PPARGC1B: variants seen among roughly 807,000 people sequenced by gnomAD.
PPARGC1B encodes the protein peroxisome proliferator-activated receptor gamma coactivator 1-beta.
PPARGC1B carries 34 observed loss-of-function variants against 101.6 expected under a neutral mutation model. That is an observed-to-expected ratio of 0.33 (90% CI 0.25 to 0.45). The LOEUF (loss-of-function observed/expected upper bound fraction) is 0.45. Among genes scored for constraint, PPARGC1B ranks in the 20% least tolerant of loss-of-function variants. PPARGC1B has a pLI of 1.00. For missense variants in PPARGC1B, 1,234 were observed against 1,317.6 expected (o/e 0.94, Z 0.98); for synonymous variants, 548 against 539.3 (o/e 1.02, Z -0.22).
At chr5:149,767,359 G>T (rs1755950171) in intron 1 of PPARGC1B, among the ~76,000 whole-genome samples, 1 of 152,196 alleles carries the variant, frequency 6.6e-6, no homozygotes, top group Admixed American at 6.5e-5. Context: ...ATGAATGATT[G>T]TTTAGAAATG....
chr5:149,761,526 C>CA (rs1755718164), intron 1 of PPARGC1B: 1 of 152,172 alleles, frequency 6.6e-6, no homozygotes, highest in African/African-American at 2.4e-5. Context: ...TCTGCACTCT[C>CA]ACGTTCATTG....
At chr5:149,738,794 A>G (rs1238728118) in intron 1 of PPARGC1B, among the ~76,000 whole-genome samples, 1 of 152,082 alleles carries the variant, frequency 6.6e-6, no homozygotes, top group East Asian at 1.9e-4. Context: ...ATGGGGTTTC[A>G]CCATATTGGC....
At chr5:149,734,998 A>G (rs988013980) in intron 1 of PPARGC1B, among the ~76,000 whole-genome samples, 1 of 152,182 alleles carries the variant, frequency 6.6e-6, no homozygotes, top group Non-Finnish European at 1.5e-5. Flanking sequence ...AACTGGGAAA[A>G]TGGCTCCACA....
chr5:149,780,212 A>C (rs1756546325), intron 1 of PPARGC1B, among the ~76,000 whole-genome samples: 1 of 152,240 alleles, frequency 6.6e-6, no homozygotes. Flanking sequence ...CACAGGCTCC[A>C]GCGCAGGATG....
intron 1 of PPARGC1B, among the ~76,000 whole-genome samples, chr5:149,775,307 A>G (rs1286271675): frequency 6.6e-6 from 1 of 152,176 alleles, no homozygotes; most frequent in Non-Finnish European, 1.5e-5. Context: ...TGTCCCCACT[A>G]TCATCACGGC....
At chr5:149,767,232 G>C (rs780541334) in intron 1 of PPARGC1B, among the ~76,000 whole-genome samples, 8 of 152,334 alleles carry the variant, frequency 5.3e-5, no homozygotes, top group Non-Finnish European at 8.8e-5. Context: ...TGGGACCTAT[G>C]TGGGTGTTCA....
chr5:149,743,158 T>C (rs898561115), intron 1 of PPARGC1B, among the ~76,000 whole-genome samples: 2 of 149,126 alleles, frequency 1.3e-5, no homozygotes, highest in Non-Finnish European at 3.0e-5. Flanking sequence ...GTTTATTCTT[T>C]TTTTTTTTTT....
chr5:149,738,547 G>A (rs1174669911), intron 1 of PPARGC1B, among the ~76,000 whole-genome samples: 1 of 152,054 alleles, frequency 6.6e-6, no homozygotes, highest in Non-Finnish European at 1.5e-5. Flanking sequence ...CCATTTTAAT[G>A]TATTCATAGC....
chr5:149,742,170 GT>G (rs909864623), intron 1 of PPARGC1B, among the ~76,000 whole-genome samples: 1 of 152,174 alleles, frequency 6.6e-6, no homozygotes, highest in Middle Eastern at 3.2e-3. Flanking sequence ...CCATTTTACA[GT>G]TGGGTAGACC....
intron 1 of PPARGC1B, among the ~76,000 whole-genome samples, chr5:149,795,931 C>T (rs1161281472): frequency 6.6e-6 from 1 of 152,124 alleles, no homozygotes; most frequent in African/African-American, 2.4e-5. Context: ...TAATACCAGT[C>T]ATGAGGATTG....
intron 1 of PPARGC1B, among the ~76,000 whole-genome samples, chr5:149,753,083 T>C (rs1412149334): frequency 1.3e-5 from 2 of 152,240 alleles, no homozygotes; most frequent in Non-Finnish European, 2.9e-5. Flanking sequence ...GGCATTGTTG[T>C]GCAACTTTTT....
rs551391633 is a variant in PPARGC1B at position 149,837,690 on chromosome 5, C to A, written c.2618+617C>A. On this transcript the variant is annotated intron_variant, in intron 8 of 11. Transcript: ENST00000309241. The surrounding 1 kb of genome is among the most constrained non-coding windows in gnomAD (Gnocchi z 4.2). ...CGCTGAACCAGACTGGAGAAGAAGC[C>A]AGTCCAAAAGTCAGCTGGGGAGCTG... 7.9e-5 allele frequency among the ~76,000 whole-genome samples: 12 copies of A among 152,308 alleles called. No individual in the cohort carries two copies. In the South Asian group the frequency reaches 2.3e-3, roughly 29 times the overall value.
intron 1 of PPARGC1B, among the ~76,000 whole-genome samples, chr5:149,743,979 G>A (rs1389304643): frequency 2.0e-5 from 3 of 152,262 alleles, no homozygotes; most frequent in South Asian, 2.1e-4. Flanking sequence ...ACATCTTCCC[G>A]GGGGATTGAA....
At chr5:149,767,148 G>C (rs192707744) in intron 1 of PPARGC1B, among the ~76,000 whole-genome samples, 1 of 152,118 alleles carries the variant, frequency 6.6e-6, no homozygotes. Context: ...TGGGCATCTC[G>C]GCCCATTTCC....
At chr5:149,750,619 G>A (rs1755262299) in intron 1 of PPARGC1B, among the ~76,000 whole-genome samples, 3 of 151,934 alleles carry the variant, frequency 2.0e-5, no homozygotes, top group Middle Eastern at 3.2e-3. Flanking sequence ...TTCACACAGA[G>A]CTGCTTACAG....
chr5:149,797,138 C>T lies in PPARGC1B; in HGVS notation c.79-23295C>T, dbSNP rs1010216551. ...GCCCAAAATGCTCCTCTGCAGGACT[C>T]CTATTGGCGCATAGGTGGAGCTTCC... On this transcript the variant is annotated intron_variant, in intron 1 of 11. Transcript: ENST00000309241. 2.6e-5 allele frequency among the ~76,000 whole-genome samples: 4 copies of T among 152,276 alleles called. No individual in the cohort carries two copies. In the South Asian group the frequency reaches 8.3e-4, roughly 32 times the overall value.
rs377087570 is a variant in PPARGC1B, at chr5:149,833,273, C to T, written c.1200C>T (p.Pro400=). ...SVEEVRIAAS[P]KSTGPRPSLR... Reference sequence around the variant, plus strand: ...AGGAGGTAAGGATCGCAGCTTCACCCAAGAGCACCGGGCCCAGACCAAGCC... The same window carrying T: ...AGGAGGTAAGGATCGCAGCTTCACCTAAGAGCACCGGGCCCAGACCAAGCC... The change falls in exon 5 of 12, where the codon CCC becomes CCT. Residue 400 remains proline (P), a synonymous_variant. Coordinates refer to ENST00000309241, the MANE Select transcript of PPARGC1B (RefSeq NM_133263.4). The surrounding 1 kb of genome is among the most constrained non-coding windows in gnomAD (Gnocchi z 4.1). 4.0e-5 allele frequency: 65 copies of T among 1,613,268 alleles called. 1 individual carries two copies. The Middle Eastern group carries it at 1.2e-3, about 29-fold the overall frequency.
chr5:149,810,434 A>G (rs2161257), intron 1 of PPARGC1B, among the ~76,000 whole-genome samples: 74,142 of 151,986 alleles, frequency 0.49, 18,601 homozygotes, highest in East Asian at 0.67. Flanking sequence ...CTCGGTGCTG[A>G]AGGAGGGGAG....
At position 149,832,730 on chromosome 5, in the gene PPARGC1B, C is replaced by T. The variant is rs775414995; in HGVS notation, c.657C>T (p.His219=). Residue 219 remains histidine (H), a synonymous_variant, in exon 5 of 12, where the codon CAC becomes CAT. Coordinates refer to ENST00000309241, the MANE Select transcript of PPARGC1B (RefSeq NM_133263.4). The surrounding 1 kb of genome is among the most constrained non-coding windows in gnomAD (Gnocchi z 4.9). ...GAAGTTGTACAGAACTACATAAGCACCTCACCTCGGCACAGTGCTGCCTGC... is the reference window on the plus strand; with the variant it reads ...GAAGTTGTACAGAACTACATAAGCATCTCACCTCGGCACAGTGCTGCCTGC... ...QSRSCTELHK[H]LTSAQCCLQD... 85 of 1,606,162 alleles carry T rather than the reference C, an allele frequency of 5.3e-5. No homozygotes were observed. Among genetic ancestry groups the T allele is most frequent in the Admixed American group, 1.2e-4 (7 of 59,256 alleles).
Sources: gnomAD v4.1 joint callset for allele counts (sites outside exome capture counted in the v4.1 genomes callset) on GRCh38, gnomAD v4.1.1 for gene constraint, Gnocchi (gnomAD v3.1) non-coding constraint, MANE v1.5 for transcripts, NCBI Gene and HGNC (gene_info 2026-07-23, HGNC 2026-07-21) for gene names.